The following SPDYE1 variants were observed in gnomAD, a reference collection of about 807,000 sequenced individuals.
SPDYE1 encodes speedy protein E1.
SPDYE1 carries 29 observed loss-of-function variants against 45.9 expected under a neutral mutation model. The ratio of observed to expected loss-of-function variants is 0.63; its 90% confidence interval spans 0.47 to 0.86. The LOEUF (loss-of-function observed/expected upper bound fraction) is 0.86, where lower values mean the gene tolerates loss of function less well. Among genes scored for constraint, SPDYE1 ranks in the 40% least tolerant of loss-of-function variants. The pLI, the probability that SPDYE1 is intolerant of heterozygous loss-of-function variation, is 0.00. For missense variants in SPDYE1, 346 were observed against 481.4 expected, an observed-to-expected ratio of 0.72 and a Z score of 2.63; for synonymous variants, 134 against 176.8, an observed-to-expected ratio of 0.76 and a Z score of 1.92.
intron 4 of SPDYE1, among the ~76,000 whole-genome samples, 199 bp from the exon 5 acceptor site, chr7:44,003,654 G>A (rs1172227798): frequency 8.7e-3 from 1,226 of 140,862 alleles, no homozygotes; most frequent in East Asian, 0.039. Context: ...GGCCTCCTTC[G>A]GCCTCTTCTC....
intron 6 of SPDYE1, among the ~76,000 whole-genome samples, chr7:44,006,025 C>T (rs1482815737): frequency 6.6e-6 from 1 of 152,134 alleles, no homozygotes; most frequent in Non-Finnish European, 1.5e-5. Flanking sequence ...TTCCAAAGCA[C>T]GACAACCTCA....
chr7:44,008,229 A>G (rs1458777798), intron 8 of SPDYE1, among the ~76,000 whole-genome samples: 1 of 152,208 alleles, frequency 6.6e-6, no homozygotes, highest in Non-Finnish European at 1.5e-5. Flanking sequence ...AGAGCATGAG[A>G]CTTCATCATG....
At chr7:44,005,087 T>C (rs2096069350) in intron 5 of SPDYE1, 55 bp from the exon 6 acceptor site, 1 of 1,585,256 alleles carries the variant, frequency 6.3e-7, no homozygotes, top group African/African-American at 1.3e-5. Flanking sequence ...CTCTCCACAA[T>C]CTTCCTCTTC....
At chr7:44,005,998 GTGCAGCC>G (rs2096070745) in intron 6 of SPDYE1, among the ~76,000 whole-genome samples, 1 of 152,140 alleles carries the variant, frequency 6.6e-6, no homozygotes, top group Admixed American at 6.6e-5. Context: ...GGGCTTCCTA[GTGCAGCC>G]TGAACATCTT....
At chr7:44,001,506 G>A (rs962735753) in intron 3 of SPDYE1, among the ~76,000 whole-genome samples, 3 of 152,046 alleles carry the variant, frequency 2.0e-5, no homozygotes, top group Non-Finnish European at 4.4e-5. Context: ...GCTTGGTTTC[G>A]GGCTAGGTGC....
chr7:44,006,571 T>C (rs2096071472), intron 6 of SPDYE1, among the ~76,000 whole-genome samples: 1 of 151,742 alleles, frequency 6.6e-6, no homozygotes, highest in African/African-American at 2.4e-5. Context: ...AGCTTCTTTA[T>C]TAGCTCCGAC....
chr7:44,007,049 C>T lies in SPDYE1; in HGVS notation c.753-219C>T, dbSNP rs966565046. ...TCCAGGCGTAAGCCACCACTCTTGGCCACCAGTTGGGTTTTTGTCTCCATC... is the reference window on the plus strand; with the variant it reads ...TCCAGGCGTAAGCCACCACTCTTGGTCACCAGTTGGGTTTTTGTCTCCATC... On this transcript the variant is annotated intron_variant, in intron 6 of 8. Coordinates refer to ENST00000693451, the MANE Select transcript of SPDYE1 (RefSeq NM_001378423.2). 1.1e-5 allele frequency: 14 copies of T among 1,237,630 alleles called. No homozygotes were observed. In the Admixed American group the frequency reaches 1.7e-4, roughly 15 times the overall value. The allele number at this position is 1,237,630 out of a possible 1,614,324, so 76.7% of individuals were successfully genotyped here.
chr7:44,005,803 A>G (rs367729938), intron 6 of SPDYE1, among the ~76,000 whole-genome samples: 1 of 151,992 alleles, frequency 6.6e-6, no homozygotes, highest in Non-Finnish European at 1.5e-5. Context: ...CGGACATGCC[A>G]CTTCCTCCAG....
Position 44,000,128 on chromosome 7 carries a change from G to A in SPDYE1, c.160+19G>A, listed in dbSNP as rs2096060712. 1.0e-6 allele frequency: 1 copy of A among 984,342 alleles called. No individual in the cohort carries two copies. Among genetic ancestry groups the A allele is most frequent in the African/African-American group, 1.8e-5 (1 of 57,118 alleles). 61.0% of individuals were successfully genotyped at this position (984,342 alleles called of 1,614,324 possible). On this transcript the variant is annotated intron_variant, in intron 2 of 8. Transcript: ENST00000693451. Reference sequence around the variant, plus strand: ...CCATCAGGTGAGGGGACTGGTGGAAGAAGAGGTGGGATAGGATTGACTAAG... The same window carrying A: ...CCATCAGGTGAGGGGACTGGTGGAAAAAGAGGTGGGATAGGATTGACTAAG...
intron 1 of SPDYE1, among the ~76,000 whole-genome samples, chr7:43,999,107 T>C (rs1439916101): frequency 6.6e-6 from 1 of 152,082 alleles, no homozygotes; most frequent in Non-Finnish European, 1.5e-5. Context: ...TAGAGTTTCT[T>C]AGCCGAACTG....
chr7:44,005,298 C>T (rs1204026081), intron 6 of SPDYE1, 71 bp downstream of exon 6: 2 of 1,547,824 alleles, frequency 1.3e-6, no homozygotes, highest in East Asian at 2.2e-5. Flanking sequence ...GGGATTCCAG[C>T]CTTTCATTTA....
intron 1 of SPDYE1, among the ~76,000 whole-genome samples, 161 bp downstream of exon 1, chr7:43,998,120 G>A (rs896277573): frequency 6.6e-6 from 1 of 151,818 alleles, no homozygotes; most frequent in African/African-American, 2.4e-5. Context: ...TTTTGTTGTA[G>A]GAGGACCCAC....
In SPDYE1 at chr7:44,007,275, G is replaced by A; in HGVS notation, c.760G>A (p.Ala254Thr). ...RLHFFLALYL[A>T]NDMEEDDEDS... ...CCTGATTCCTGTCCTCAGCTACCTG[G>A]CCAATGACATGGAGGAGGACGACGA... The change falls in exon 7 of 9, where the codon GCC becomes ACC. Residue 254 changes from alanine to threonine, a missense_variant. Ala to Thr is a moderately conservative substitution (Grantham distance 58, BLOSUM62 0). This residue lies in a region of SPDYE1 where 186 missense variants were observed against 219.1 expected (regional missense o/e 0.85). Coordinates refer to ENST00000693451, the MANE Select transcript of SPDYE1 (RefSeq NM_001378423.2). 6.2e-7 allele frequency: 1 copy of A among 1,612,556 alleles called. No individual in the cohort carries two copies. The highest frequency in any genetic ancestry group is 8.5e-7 in the Non-Finnish European group (1 of 1,179,974).
At position 44,002,668 on chromosome 7, in the gene SPDYE1, A is replaced by C. The variant is rs778217633; in HGVS notation, c.458A>C (p.Glu153Ala). 1.3e-6 allele frequency: 2 copies of C among 1,597,582 alleles called. No homozygotes were observed. The highest frequency in any genetic ancestry group is 4.5e-5 in the East Asian group (2 of 44,842). The stretch of plus-strand genomic sequence containing the variant: ...ATGGAGTGGTGGGACAAATCTGAGG[A>C]GTCGGAGGAGGAGCCACGGAAGGTG... ...RKMEWWDKSE[E>A]SEEEPRKVLA... Residue 153 changes from glutamate (E) to alanine (A), a missense_variant, in exon 4 of 9, where the codon GAG becomes GCG. Transcript: ENST00000693451.
chr7:44,008,874 G>C lies in SPDYE1; in HGVS notation c.*253G>C. The C allele has an allele frequency of 1.9e-6, 1 of 523,792 alleles. No individual in the cohort carries two copies. Among genetic ancestry groups the C allele is most frequent in the Non-Finnish European group, 3.8e-6 (1 of 265,930 alleles). 32.4% of individuals were successfully genotyped at this position (523,792 alleles called of 1,614,324 possible). On this transcript the variant is annotated 3_prime_UTR_variant, in exon 9 of 9. Coordinates refer to ENST00000693451, the MANE Select transcript of SPDYE1 (RefSeq NM_001378423.2). ...GATGGGGTCCTTCTAGGAGTCCTTG[G>C]AGAAAAGTAAGAAACCAGGAGTGTT...
chr7:44,008,002 G>T, intron 8 of SPDYE1, 189 bp downstream of exon 8: 1 of 1,444,468 alleles, frequency 6.9e-7, no homozygotes, highest in South Asian at 1.4e-5. Context: ...GCCGAGGCGG[G>T]AGGATTGCTG....
intron 1 of SPDYE1, among the ~76,000 whole-genome samples, 158 bp from the exon 2 acceptor site, chr7:43,999,370 T>C (rs1433374438): frequency 6.6e-6 from 1 of 151,894 alleles, no homozygotes; most frequent in Non-Finnish European, 1.5e-5. Flanking sequence ...TGATGTGACT[T>C]TTTCATCAAG....
At position 44,009,106 on chromosome 7, in the gene SPDYE1, C is replaced by T. The variant is rs921118994; in HGVS notation, c.*485C>T. 11 of 254,078 alleles carry T rather than the reference C, an allele frequency of 4.3e-5. No individual in the cohort carries two copies. The highest frequency in any genetic ancestry group is 7.7e-5 in the Non-Finnish European group (10 of 129,322). 15.7% of individuals were successfully genotyped at this position (254,078 alleles called of 1,614,324 possible). A position where few individuals can be genotyped will look rare whatever the true frequency, so the allele number is the denominator to read the frequency against. On this transcript the variant is annotated 3_prime_UTR_variant, in exon 9 of 9. Transcript: ENST00000693451. Reference sequence around the variant, plus strand: ...ACAGATTGTAACAGATAGCTTCATGCACACTCTGCATTTTATTGGTTTGTT... The same window carrying T: ...ACAGATTGTAACAGATAGCTTCATGTACACTCTGCATTTTATTGGTTTGTT...
intron 2 of SPDYE1, among the ~76,000 whole-genome samples, chr7:44,000,474 C>T (rs1422385332): frequency 4.9e-5 from 7 of 144,326 alleles, no homozygotes; most frequent in Non-Finnish European, 9.0e-5. Flanking sequence ...GGAAGGAGAA[C>T]CTGAGGAGGG....
Sources: allele counts gnomAD v4.1 joint callset (sites outside exome capture counted in the v4.1 genomes callset), GRCh38; gene constraint gnomAD v4.1.1; regional missense constraint gnomAD v4.1.1; transcripts MANE v1.5; gene names NCBI Gene and HGNC (gene_info 2026-07-23, HGNC 2026-07-21).